MMP16: variants seen among roughly 807,000 people sequenced by gnomAD.
MMP16 encodes the protein matrix metalloproteinase-16.
Under a neutral mutation model 67.8 loss-of-function variants are expected in MMP16, and 12 were observed. The observed-to-expected ratio is 0.18, with a 90% confidence interval of 0.11 to 0.29. MMP16 has a LOEUF of 0.29. Ranked by LOEUF, MMP16 falls within the 10% of genes least tolerant of loss-of-function variation. The pLI is 1.00. For synonymous variants in MMP16, 249 were observed against 255.9 expected (o/e 0.97, Z 0.26); for missense variants, 475 against 765.7 (o/e 0.62, Z 4.48).
At chr8:88,327,010 T>C (rs1301418726) in intron 1 of MMP16, 65 bp downstream of exon 1, 26 of 1,598,306 alleles carry the variant, frequency 1.6e-5, no homozygotes, top group Non-Finnish European at 2.1e-5. Context: ...ATCCCAGGAG[T>C]GAAGGAAATG....
chr8:88,148,148 C>G (rs117894506), intron 4 of MMP16, among the ~76,000 whole-genome samples: 306 of 152,244 alleles, frequency 2.0e-3, no homozygotes, highest in Non-Finnish European at 3.0e-3. Context: ...TATTGCATTT[C>G]TAAGGTTCTG....
intron 4 of MMP16, among the ~76,000 whole-genome samples, chr8:88,151,926 C>T (rs1399182666): frequency 1.2e-5 from 1 of 85,346 alleles, no homozygotes; most frequent in Non-Finnish European, 2.2e-5. Context: ...AATCCAGGAG[C>T]TGGTTTTTTG....
At chr8:88,224,957 C>G (rs1809746622) in intron 1 of MMP16, among the ~76,000 whole-genome samples, 1 of 151,862 alleles carries the variant, frequency 6.6e-6, no homozygotes, top group Non-Finnish European at 1.5e-5. Flanking sequence ...GAGTTTTTGG[C>G]CTAGAGGATT....
At chr8:88,266,517 A>G (rs1810479106) in intron 1 of MMP16, among the ~76,000 whole-genome samples, 1 of 152,184 alleles carries the variant, frequency 6.6e-6, no homozygotes. Flanking sequence ...ATTAATTAAG[A>G]GCCAGGTCTC....
intron 4 of MMP16, among the ~76,000 whole-genome samples, chr8:88,152,448 T>C (rs1350684801): frequency 4.8e-5 from 2 of 41,414 alleles, no homozygotes; most frequent in African/African-American, 1.1e-4. Context: ...TGATGAACAT[T>C]GATGCAAAAA....
chr8:88,313,884 C>T (rs1334434719), intron 1 of MMP16, among the ~76,000 whole-genome samples: 5 of 152,070 alleles, frequency 3.3e-5, no homozygotes, highest in Admixed American at 3.3e-4. Flanking sequence ...CTTACAGAAC[C>T]ATAGAACCAT....
At chr8:88,227,560 A>G (rs1717902353) in intron 1 of MMP16, among the ~76,000 whole-genome samples, 1 of 152,012 alleles carries the variant, frequency 6.6e-6, no homozygotes, top group Admixed American at 6.6e-5. Flanking sequence ...TCCTCTTGTC[A>G]AGGCTCAGGC....
chr8:88,228,325 G>T (rs1210444992), intron 1 of MMP16, among the ~76,000 whole-genome samples: 1 of 151,980 alleles, frequency 6.6e-6, no homozygotes, highest in East Asian at 1.9e-4. Context: ...TTTTCATGAA[G>T]AATTATTTTT....
At chr8:88,112,689 G>GTGTGTCTGTC (rs1444478347) in intron 6 of MMP16, among the ~76,000 whole-genome samples, 1 of 151,658 alleles carries the variant, frequency 6.6e-6, no homozygotes, top group African/African-American at 2.4e-5. Context: ...GTGTGTCTGT[G>GTGTGTCTGTC]TGTATGTATG....
In MMP16 at chr8:88,305,941, C is replaced by A. The variant is rs112621725; in HGVS notation, c.132+21134G>T. 4.4e-4 allele frequency among the ~76,000 whole-genome samples: 66 copies of A among 150,322 alleles called. 1 individual carries two copies. Among genetic ancestry groups the A allele is most frequent in the African/African-American group, 1.6e-3 (64 of 41,130 alleles). The stretch of plus-strand genomic sequence containing the variant: ...AGACAAAATATAATCAAGACTAGAG[C>A]TGAACTAAAGGCGACAGAGACACGA... On this transcript the variant is annotated intron_variant, in intron 1 of 9. Coordinates refer to ENST00000286614, the MANE Select transcript of MMP16 (RefSeq NM_005941.5).
At chr8:88,116,822 C>A in intron 5 of MMP16, 104 bp from the exon 6 acceptor site, 1 of 1,021,720 alleles carries the variant, frequency 9.8e-7, no homozygotes, top group Admixed American at 2.1e-5. Flanking sequence ...CACAGACTAA[C>A]TGAACTAAGA....
intron 6 of MMP16, among the ~76,000 whole-genome samples, chr8:88,081,748 A>T (rs905933715): frequency 2.6e-5 from 4 of 152,156 alleles, no homozygotes; most frequent in Admixed American, 1.3e-4. Flanking sequence ...TATTGTAGTA[A>T]AAACAGTTTT....
At chr8:88,244,253 CT>C (rs1363145587) in intron 1 of MMP16, among the ~76,000 whole-genome samples, 1 of 152,064 alleles carries the variant, frequency 6.6e-6, no homozygotes, top group Non-Finnish European at 1.5e-5. Flanking sequence ...CTTCAAACAA[CT>C]TTTATAATTG....
rs186496944 is a variant in MMP16, at chr8:88,238,598, G to T, written c.133-41292C>A. Among the ~76,000 whole-genome samples the T allele has an allele frequency of 1.7e-4, 26 of 150,394 alleles. No homozygotes were observed. The East Asian group carries it at 4.5e-3, about 26-fold the overall frequency. ...GGAGAATCGCTTGAACACAGGAGGC[G>T]GAGGTTGCAGTGAGCCGAGACTGTG... is the stretch of plus-strand genomic sequence containing the variant. On this transcript the variant is annotated intron_variant, in intron 1 of 9. Transcript: ENST00000286614.
intron 8 of MMP16, among the ~76,000 whole-genome samples, chr8:88,052,828 C>T (rs1178007237): frequency 6.6e-6 from 1 of 152,184 alleles, no homozygotes; most frequent in East Asian, 1.9e-4. Flanking sequence ...ACTCAAGTCC[C>T]CACTCAAGTG....
intron 4 of MMP16, among the ~76,000 whole-genome samples, chr8:88,134,339 T>A (rs1808082635): frequency 6.6e-6 from 1 of 151,734 alleles, no homozygotes. Context: ...TTTTTATTCC[T>A]CTTTCCTTAT....
rs1345397592 is a variant in MMP16 at position 88,046,751 on chromosome 8, C to T, written c.1407G>A (p.Met469Ile). Residue 469 changes from methionine (M) to isoleucine (I), a missense_variant, in exon 9 of 10, where the codon ATG (methionine) becomes ATA (isoleucine). Met to Ile is a conservative substitution (Grantham distance 10, BLOSUM62 1). Coordinates refer to ENST00000286614, the MANE Select transcript of MMP16 (RefSeq NM_005941.5). ...YWRYSEEMKT[M>I]DPGYPKPITV... ...TGATTGGCTTGGGATAGCCAGGGTC[C>T]ATTGTTTTCATTTCTTCACTATATC... is the stretch of plus-strand genomic sequence containing the variant. The T allele has an allele frequency of 6.2e-7, 1 of 1,609,718 alleles. No individual in the cohort carries two copies. The highest frequency in any genetic ancestry group is 1.3e-5 in the African/African-American group (1 of 74,708).
At position 88,165,013 on chromosome 8, in the gene MMP16, T is replaced by C. The variant is rs1472827472; in HGVS notation, c.709+2656A>G. Among the ~76,000 whole-genome samples, 4 of 151,670 alleles carry C rather than the reference T, an allele frequency of 2.6e-5. No homozygotes were observed. The South Asian group carries it at 8.3e-4, about 31-fold the overall frequency. Reference sequence around the variant, plus strand: ...ATCACCTCTTGTCATAAAATCTCCCTGTAGATTTTTTCCCCAAAACATTTT... The same window carrying C: ...ATCACCTCTTGTCATAAAATCTCCCCGTAGATTTTTTCCCCAAAACATTTT... On this transcript the variant is annotated intron_variant, in intron 4 of 9. Coordinates refer to ENST00000286614, the MANE Select transcript of MMP16 (RefSeq NM_005941.5).
At chr8:88,204,759 G>C (rs1412549303) in intron 1 of MMP16, among the ~76,000 whole-genome samples, 8 of 152,062 alleles carry the variant, frequency 5.3e-5, no homozygotes, top group Non-Finnish European at 1.0e-4. Context: ...TAAAAAAGAA[G>C]CTATTTCCTT....
Sources: allele counts gnomAD v4.1 joint callset (sites outside exome capture counted in the v4.1 genomes callset), GRCh38; gene constraint gnomAD v4.1.1; transcripts MANE v1.5; gene names NCBI Gene and HGNC (gene_info 2026-07-23, HGNC 2026-07-21).